Variants in SH3BGRL2 observed in about 807,000 individuals in gnomAD.
SH3BGRL2 encodes SH3 domain-binding glutamic acid-rich-like protein 2.
In SH3BGRL2, 21 loss-of-function variants were observed where a neutral mutation model predicts 14.8. That is an observed-to-expected ratio of 1.42 (90% CI 1.01 to 2.05). SH3BGRL2 has a LOEUF of 2.05. SH3BGRL2 is among the 30% of genes most tolerant of loss of function. SH3BGRL2 has a pLI of 0.00. For synonymous variants in SH3BGRL2, 50 were observed against 47.8 expected (o/e 1.05, Z -0.19); for missense variants, 147 against 130.8 (o/e 1.12, Z -0.61).
In SH3BGRL2 at chr6:79,631,508, T is replaced by A. The variant is rs759984771; in HGVS notation, c.45+2T>A. The A allele has an allele frequency of 6.8e-7, 1 of 1,468,350 alleles. No individual in the cohort carries two copies. Among genetic ancestry groups the A allele is most frequent in the Non-Finnish European group, 9.1e-7 (1 of 1,104,678 alleles). The allele number at this position is 1,468,350 out of a possible 1,614,324, so 91.0% of individuals were successfully genotyped here. Reference sequence around the variant, plus strand: ...GCCTCTTCCTCGGGCTTCGTGGCGGTGAGCGCGGTGGGGGCGGGCAGTAGG... The same window carrying A: ...GCCTCTTCCTCGGGCTTCGTGGCGGAGAGCGCGGTGGGGGCGGGCAGTAGG... On this transcript the variant is annotated splice_donor_variant, in intron 1 of 3. Transcript: ENST00000369838. LOFTEE classifies it high-confidence loss of function.
chr6:79,599,081 CA>C, the SH3BGRL2 span, among the ~76,000 whole-genome samples: 29,790 of 112,086 alleles, frequency 0.27, 2,878 homozygotes, highest in South Asian at 0.33. Context: ...AACTCTGTCT[CA>C]AAAAAAAAAA....
At chr6:79,623,804 A>G in the SH3BGRL2 span, among the ~76,000 whole-genome samples, 4 of 152,244 alleles carry the variant, frequency 2.6e-5, no homozygotes, top group African/African-American at 7.2e-5. Flanking sequence ...TAGGCCCCTC[A>G]AAAATCACAG....
At chr6:79,597,721 G>A in the SH3BGRL2 span, among the ~76,000 whole-genome samples, 1 of 152,108 alleles carries the variant, frequency 6.6e-6, no homozygotes, top group African/African-American at 2.4e-5. Context: ...TCTTAGATAT[G>A]ACACCAAAAA....
the SH3BGRL2 span, among the ~76,000 whole-genome samples, chr6:79,582,247 G>A: frequency 8.5e-5 from 13 of 152,086 alleles, no homozygotes; most frequent in African/African-American, 3.1e-4. Context: ...TCCCCATCAA[G>A]CTACCAATGA....
intron 1 of SH3BGRL2, among the ~76,000 whole-genome samples, chr6:79,672,636 C>T (rs922217926): frequency 2.6e-5 from 4 of 152,142 alleles, no homozygotes; most frequent in East Asian, 1.9e-4. Context: ...AGTATATATA[C>T]GGGTTTGGCA....
chr6:79,615,099 C>T, the SH3BGRL2 span, among the ~76,000 whole-genome samples: 1 of 152,162 alleles, frequency 6.6e-6, no homozygotes, highest in African/African-American at 2.4e-5. Context: ...CAACATCCTG[C>T]AGTGGACAAT....
the SH3BGRL2 span, among the ~76,000 whole-genome samples, chr6:79,542,911 C>G: frequency 6.6e-6 from 1 of 152,216 alleles, no homozygotes; most frequent in Non-Finnish European, 1.5e-5. Context: ...CTCCACAAAA[C>G]TTCTTACCAT....
the SH3BGRL2 span, among the ~76,000 whole-genome samples, chr6:79,607,323 G>A: frequency 1.7e-3 from 263 of 152,212 alleles, no homozygotes; most frequent in African/African-American, 5.9e-3. Context: ...CAGAGCCCTG[G>A]ACTATTACAC....
At chr6:79,683,034 A>T (rs1229705156) in intron 2 of SH3BGRL2, among the ~76,000 whole-genome samples, 1 of 152,170 alleles carries the variant, frequency 6.6e-6, no homozygotes, top group African/African-American at 2.4e-5. Flanking sequence ...GGAACATCAC[A>T]CACCAGGGCC....
chr6:79,593,021 C>A, the SH3BGRL2 span, among the ~76,000 whole-genome samples: 1 of 152,114 alleles, frequency 6.6e-6, no homozygotes, highest in South Asian at 2.1e-4. Flanking sequence ...TGAATTTAAA[C>A]CCTCTTGATG....
chr6:79,590,805 C>T, the SH3BGRL2 span, among the ~76,000 whole-genome samples: 1 of 152,002 alleles, frequency 6.6e-6, no homozygotes, highest in Non-Finnish European at 1.5e-5. Context: ...CAAACCTGCA[C>T]ATGTACCTCC....
At chr6:79,556,083 T>G in the SH3BGRL2 span, among the ~76,000 whole-genome samples, 4 of 35,720 alleles carry the variant, frequency 1.1e-4, no homozygotes, top group South Asian at 2.3e-3. Flanking sequence ...GTATAAAAAT[T>G]CAAAACAAAA....
chr6:79,670,996 C>G (rs563895024), intron 1 of SH3BGRL2, among the ~76,000 whole-genome samples: 2 of 152,130 alleles, frequency 1.3e-5, no homozygotes, highest in Admixed American at 1.3e-4. Context: ...GAGGTGTTTG[C>G]GTAAACATGA....
chr6:79,633,646 A>G (rs527241559), intron 1 of SH3BGRL2, among the ~76,000 whole-genome samples: 49 of 152,280 alleles, frequency 3.2e-4, no homozygotes, highest in African/African-American at 1.1e-3. Context: ...TGCTGTTTGA[A>G]GACCCAGTCT....
At chr6:79,621,292 T>C in the SH3BGRL2 span, among the ~76,000 whole-genome samples, 5 of 152,292 alleles carry the variant, frequency 3.3e-5, no homozygotes, top group East Asian at 9.6e-4. Flanking sequence ...CAATCACTAA[T>C]GTGATAGTGT....
At chr6:79,599,424 T>G in the SH3BGRL2 span, among the ~76,000 whole-genome samples, 1 of 149,676 alleles carries the variant, frequency 6.7e-6, no homozygotes, top group South Asian at 2.1e-4. Flanking sequence ...CAGGCTGGAG[T>G]GCAATGGTGC....
At chr6:79,579,772 A>G in the SH3BGRL2 span, among the ~76,000 whole-genome samples, 1 of 152,214 alleles carries the variant, frequency 6.6e-6, no homozygotes, top group African/African-American at 2.4e-5. Context: ...GAACATCATA[A>G]TGACGGGATC....
At chr6:79,557,137 G>A in the SH3BGRL2 span, among the ~76,000 whole-genome samples, 1 of 151,644 alleles carries the variant, frequency 6.6e-6, no homozygotes, top group Non-Finnish European at 1.5e-5. Context: ...ATGCACAACT[G>A]TAGACTACAA....
rs764498367 is a variant in SH3BGRL2 at position 79,699,921 on chromosome 6, C to T, written c.*412C>T. 1.2e-4 allele frequency: 22 copies of T among 186,364 alleles called. No individual in the cohort carries two copies. The highest frequency in any genetic ancestry group is 2.1e-4 in the Non-Finnish European group (19 of 91,646). The allele number at this position is 186,364 out of a possible 1,614,324, so 11.5% of individuals were successfully genotyped here. A position where few individuals can be genotyped will look rare whatever the true frequency, so the allele number is the denominator to read the frequency against. ...GATTGCACCTTTGAAATATGTCTGC[C>T]AAGTTGTTAGAATCTTTGAATCAGA... is the stretch of plus-strand genomic sequence containing the variant. On this transcript the variant is annotated 3_prime_UTR_variant, in exon 4 of 4. Coordinates refer to ENST00000369838, the MANE Select transcript of SH3BGRL2 (RefSeq NM_031469.4).
Sources: gnomAD v4.1 joint callset for allele counts (sites outside exome capture counted in the v4.1 genomes callset) on GRCh38, gnomAD v4.1.1 for gene constraint, MANE v1.5 for transcripts, NCBI Gene and HGNC (gene_info 2026-07-23, HGNC 2026-07-21) for gene names.